Variants in PEX5 observed in about 807,000 individuals in gnomAD.
PEX5 encodes peroxisomal biogenesis factor 5.
PEX5 carries 52 observed loss-of-function variants against 82.9 expected under a neutral mutation model. The observed-to-expected ratio is 0.63, with a 90% CI of 0.50 to 0.79. The LOEUF is 0.79. PEX5 is among the 30% of genes least tolerant of loss of function. The pLI is 0.00. For synonymous variants in PEX5, 300 were observed against 318.8 expected, an observed-to-expected ratio of 0.94 and a Z score of 0.63; for missense variants, 719 against 815.2, an observed-to-expected ratio of 0.88 and a Z score of 1.44.
downstream of PEX5, among the ~76,000 whole-genome samples, chr12:7,216,406 T>C (rs1945780944): frequency 6.6e-6 from 1 of 152,184 alleles, no homozygotes. Context: ...GAAAGGAAAA[T>C]CCAAACTCTT....
At position 7,203,440 on chromosome 12, in the gene PEX5, C is replaced by T. The variant is rs766412744; in HGVS notation, c.855C>T (p.Val285=). 6.8e-6 allele frequency: 11 copies of T among 1,613,226 alleles called. No homozygotes were observed. The highest frequency in any genetic ancestry group is 1.7e-5 in the Admixed American group (1 of 59,890). Residue 285 remains valine (V), a synonymous_variant, in exon 10 of 16, where the codon GTC becomes GTT. Coordinates refer to ENST00000675855, the MANE Select transcript of PEX5 (RefSeq NM_001351132.2). ...CTTTCCCTTCCTTACAGTCTGATGT[C>T]GATTTCTGGGACAAGTTGCAGGCAG... is the stretch of plus-strand genomic sequence containing the variant. The part of the protein sequence containing the change: ...ERAKSAIESD[V]DFWDKLQAEL...
downstream of PEX5, among the ~76,000 whole-genome samples, chr12:7,216,448 A>G (rs1186527974): frequency 6.6e-6 from 1 of 152,192 alleles, no homozygotes; most frequent in African/African-American, 2.4e-5. Context: ...TTGCATTTTT[A>G]TTTTACACTG....
intron 2 of PEX5, 86 bp from the exon 3 acceptor site, chr12:7,190,802 A>G: frequency 7.2e-7 from 1 of 1,385,742 alleles, no homozygotes; most frequent in Non-Finnish European, 1.0e-6. Flanking sequence ...TAGATGAAGA[A>G]GCCGAGGCTC....
At chr12:7,190,066 G>A in intron 1 of PEX5, 4 of 1,499,886 alleles carry the variant, frequency 2.7e-6, no homozygotes, top group Non-Finnish European at 3.5e-6. Context: ...GTGGTCCCCC[G>A]GGGTCCAGGC....
At chr12:7,200,930 G>A (rs1943816339) in intron 6 of PEX5, among the ~76,000 whole-genome samples, 1 of 149,848 alleles carries the variant, frequency 6.7e-6, no homozygotes, top group Admixed American at 6.6e-5. Context: ...AGAGGGAGAG[G>A]GCTTACTTTA....
chr12:7,190,148 G>C, intron 1 of PEX5: 3 of 1,488,282 alleles, frequency 2.0e-6, no homozygotes, highest in Non-Finnish European at 2.7e-6. Flanking sequence ...AGAGGCGCAG[G>C]CTGGAAGCGG....
downstream of PEX5, among the ~76,000 whole-genome samples, chr12:7,214,987 G>A (rs190806678): frequency 9.7e-4 from 147 of 152,178 alleles, no homozygotes; most frequent in African/African-American, 3.0e-3. Context: ...TATCAGAGAC[G>A]TGGCATCTTA....
At chr12:7,212,361 A>G (rs954677985), downstream of PEX5, among the ~76,000 whole-genome samples, 7 of 151,436 alleles carry the variant, frequency 4.6e-5, no homozygotes, top group South Asian at 2.1e-4. Flanking sequence ...TCCTGGCCTC[A>G]AGGAATCCTG....
downstream of PEX5, among the ~76,000 whole-genome samples, chr12:7,215,976 T>C (rs74812185): frequency 1.1e-4 from 16 of 151,674 alleles, no homozygotes; most frequent in Non-Finnish European, 1.8e-4. Flanking sequence ...TAAAAAAAAA[T>C]TTTTTTTTGA....
chr12:7,190,357 A>C lies in PEX5; in HGVS notation c.-16-5A>C. ...CCTCAGTTCCAAACCTCCTGTGTCC[A>C]TCAGAGAGCTGGCGGTCACCATGGC... is the stretch of plus-strand genomic sequence containing the variant. On this transcript the variant is annotated splice_polypyrimidine_tract_variant and splice_region_variant and intron_variant, in intron 1 of 15. Transcript: ENST00000675855. 2 of 1,614,086 alleles carry C rather than the reference A, an allele frequency of 1.2e-6. No individual in the cohort carries two copies. The highest frequency in any genetic ancestry group is 1.7e-6 in the Non-Finnish European group (2 of 1,180,008).
intron 17 of PEX5, among the ~76,000 whole-genome samples, chr12:7,217,998 GAGTT>G (rs751343601): frequency 3.3e-4 from 50 of 152,266 alleles, no homozygotes; most frequent in Middle Eastern, 3.4e-3. Context: ...TCAGGGAGGG[GAGTT>G]AGTTAGTCTA....
At chr12:7,201,110 ACC>A (rs1182215216) in intron 6 of PEX5, among the ~76,000 whole-genome samples, 1 of 151,362 alleles carries the variant, frequency 6.6e-6, no homozygotes, top group Non-Finnish European at 1.5e-5. Flanking sequence ...TCTTTAAAAA[ACC>A]AAAAGCGCAT....
intron 6 of PEX5, among the ~76,000 whole-genome samples, chr12:7,200,026 ACCCG>A (rs1297199937): frequency 1.9e-5 from 1 of 52,472 alleles, no homozygotes; most frequent in Non-Finnish European, 4.7e-5. Context: ...CGGGGGGCTG[ACCCG>A]CACCTCCCTC....
In PEX5 at chr12:7,210,138, C is replaced by G. The variant is rs1443655172; in HGVS notation, c.1835C>G (p.Ser612Cys). Residue 612 changes from serine (S) to cysteine (C), a missense_variant, in exon 16 of 16, where the codon TCT becomes TGT. Physicochemically the swap from Ser to Cys is moderately radical, Grantham distance 112. Transcript: ENST00000675855. ...TGGAGCACCCTGCGTTTGGCATTGT[C>G]TATGTTAGGCCAGAGCGATGCCTAT... ...NIWSTLRLAL[S>C]MLGQSDAYGA... 1 of 1,614,092 alleles carries G rather than the reference C, an allele frequency of 6.2e-7. No individual in the cohort carries two copies. The highest frequency in any genetic ancestry group is 8.5e-7 in the Non-Finnish European group (1 of 1,180,022).
Position 7,210,288 on chromosome 12 carries a change from C to CT in PEX5, c.*66dup. The CT allele has an allele frequency of 6.6e-7, 1 of 1,507,542 alleles. No individual in the cohort carries two copies. Among genetic ancestry groups the CT allele is most frequent in the East Asian group, 2.3e-5 (1 of 44,416 alleles). The allele number at this position is 1,507,542 out of a possible 1,614,324, so 93.4% of individuals were successfully genotyped here. ...ATCCCCGCTTTGGATGTGATTCCCT[C>CT]TCCCCAAATGGGCCTACCAAGGGGG... On this transcript the variant is annotated 3_prime_UTR_variant, in exon 16 of 16. Coordinates refer to ENST00000675855, the MANE Select transcript of PEX5 (RefSeq NM_001351132.2).
At chr12:7,193,594 C>A (rs1941572576) in intron 5 of PEX5, among the ~76,000 whole-genome samples, 1 of 152,114 alleles carries the variant, frequency 6.6e-6, no homozygotes, top group African/African-American at 2.4e-5. Context: ...AGACCCTCTC[C>A]AAGACAGAAA....
Position 7,202,279 on chromosome 12 carries a change from G to A in PEX5, c.681G>A (p.Val227=), listed in dbSNP as rs763452261. 3.1e-6 allele frequency: 5 copies of A among 1,614,164 alleles called. No individual in the cohort carries two copies. Among genetic ancestry groups the A allele is most frequent in the Non-Finnish European group, 4.2e-6 (5 of 1,180,042 alleles). ...KFVRQIGEGQ[V]SLESGAGSGR... ...TGCGGCAGATTGGCGAAGGGCAGGT[G>A]TCCCTGGAGTCCGGTGCAGGGTCGG... The change falls in exon 8 of 16, where the codon GTG becomes GTA. Residue 227 remains valine (V), a synonymous_variant. Coordinates refer to ENST00000675855, the MANE Select transcript of PEX5 (RefSeq NM_001351132.2).
At chr12:7,204,795 G>A (rs1388466504) in intron 10 of PEX5, among the ~76,000 whole-genome samples, 3 of 151,010 alleles carry the variant, frequency 2.0e-5, no homozygotes, top group Admixed American at 1.3e-4. Flanking sequence ...TATTACTCTC[G>A]TATTTATGAC....
rs1406368148 is a variant in PEX5 at position 7,209,574 on chromosome 12, T to C, written c.1561-109T>C. Reference sequence around the variant, plus strand: ...GGACGAAACATGTTAGCTAACAGAGTAGTGAAACAGCTGGAGTAATGTGCA... The same window carrying C: ...GGACGAAACATGTTAGCTAACAGAGCAGTGAAACAGCTGGAGTAATGTGCA... On this transcript the variant is annotated intron_variant, in intron 14 of 15. Coordinates refer to ENST00000675855, the MANE Select transcript of PEX5 (RefSeq NM_001351132.2). The C allele has an allele frequency of 6.9e-5, 8 of 115,178 alleles. No individual in the cohort carries two copies. The Admixed American group carries it at 1.5e-3, about 22-fold the overall frequency. The allele number at this position is 115,178 out of a possible 1,614,324, so 7.1% of individuals were successfully genotyped here.
Sources: gnomAD v4.1 joint callset for allele counts (sites outside exome capture counted in the v4.1 genomes callset) on GRCh38, gnomAD v4.1.1 for gene constraint, MANE v1.5 for transcripts, NCBI Gene and HGNC (gene_info 2026-07-23, HGNC 2026-07-21) for gene names.